The following PCAT7 variants were observed in gnomAD, a reference collection of about 807,000 sequenced individuals.
PCAT7 encodes prostate cancer associated transcript 7.
intron 1 of PCAT7, among the ~76,000 whole-genome samples, chr9:94,556,693 T>G (rs1372446049): frequency 6.6e-6 from 1 of 152,214 alleles, no homozygotes; most frequent in Non-Finnish European, 1.5e-5. Context: ...AGGCTTTAAG[T>G]TTAACGTAAT....
chr9:94,561,352 A>ATTTTTT (rs1174386595), intron 2 of PCAT7, among the ~76,000 whole-genome samples: 1,367 of 54,988 alleles, frequency 0.025, 311 homozygotes, highest in Middle Eastern at 0.036. Flanking sequence ...TGTGACCTGT[A>ATTTTTT]TTTTTTTTTT....
At chr9:94,571,703 G>C (rs1389513893) in intron 2 of PCAT7, 2 of 1,109,042 alleles carry the variant, frequency 1.8e-6, no homozygotes, top group African/African-American at 3.2e-5. Flanking sequence ...ACTGAAGGAA[G>C]CGCGGTTCTT....
chr9:94,562,226 T>C (rs1337990963), intron 2 of PCAT7, among the ~76,000 whole-genome samples: 2 of 144,296 alleles, frequency 1.4e-5, no homozygotes, highest in Admixed American at 7.5e-5. Context: ...AGGAGAATGG[T>C]GTGAACCTGG....
intron 2 of PCAT7, among the ~76,000 whole-genome samples, chr9:94,561,508 A>C (rs938357023): frequency 2.0e-5 from 3 of 151,942 alleles, no homozygotes; most frequent in Non-Finnish European, 4.4e-5. Flanking sequence ...AACCACAGGC[A>C]CATGCCACCA....
At position 94,566,278 on chromosome 9, in the gene PCAT7, T is replaced by A. The variant is rs1167813518; in HGVS notation, n.442-6701T>A. Among the ~76,000 whole-genome samples, 4 of 152,280 alleles carry A rather than the reference T, an allele frequency of 2.6e-5. No homozygotes were observed. The East Asian group carries it at 7.7e-4, about 29-fold the overall frequency. On this transcript the variant is annotated intron_variant and non_coding_transcript_variant, in intron 2 of 8. Coordinates refer to ENST00000647389, the Ensembl canonical transcript of PCAT7. ...CTGCAGCACTGTGACATGTTCATGATGGTCTTAATGCCCACGCTGGAAGGT... is the reference window on the plus strand; with the variant it reads ...CTGCAGCACTGTGACATGTTCATGAAGGTCTTAATGCCCACGCTGGAAGGT...
At chr9:94,558,443 C>CCGCA (rs1827040344) in intron 1 of PCAT7, among the ~76,000 whole-genome samples, 1 of 152,056 alleles carries the variant, frequency 6.6e-6, no homozygotes, top group East Asian at 1.9e-4. Flanking sequence ...TACAGGCGCC[C>CCGCA]GCCACCACGC....
At chr9:94,573,645 C>T (rs1387037854) in intron 3 of PCAT7, among the ~76,000 whole-genome samples, 1 of 152,186 alleles carries the variant, frequency 6.6e-6, no homozygotes, top group Non-Finnish European at 1.5e-5. Flanking sequence ...ATTATGAATA[C>T]TGGATCAGTC....
intron 2 of PCAT7, among the ~76,000 whole-genome samples, chr9:94,560,466 G>A (rs1025210977): frequency 2.3e-4 from 35 of 152,056 alleles, no homozygotes; most frequent in Admixed American, 6.6e-4. Context: ...CGTTCTGGCC[G>A]AGGCCCTGCT....
chr9:94,554,906 A>AT (rs1826983293), upstream of PCAT7: 2 of 152,272 alleles, frequency 1.3e-5, no homozygotes, highest in South Asian at 4.1e-4. Context: ...CCGCTGCCTC[A>AT]GCATGCTTTA....
chr9:94,563,323 G>T (rs1171805218), intron 2 of PCAT7: 2 of 1,612,372 alleles, frequency 1.2e-6, no homozygotes, highest in Non-Finnish European at 1.7e-6. Context: ...TGCACAGCCA[G>T]TGGACAAGGG....
intron 2 of PCAT7, chr9:94,563,464 A>G (rs777484972): frequency 9.9e-6 from 16 of 1,612,372 alleles, no homozygotes; most frequent in Admixed American, 3.3e-5. Context: ...CTGCCATCCT[A>G]GAAGACAGAA....
At chr9:94,567,224 T>G in intron 2 of PCAT7, 2 of 1,609,940 alleles carry the variant, frequency 1.2e-6, no homozygotes, top group East Asian at 2.2e-5. Context: ...CAGGACCCCA[T>G]GGGGACAGCA....
rs568870491 is a variant in PCAT7, at chr9:94,563,838, A to G, written n.441+4686A>G. Among the ~76,000 whole-genome samples, 7 of 152,360 alleles carry G rather than the reference A, an allele frequency of 4.6e-5. No homozygotes were observed. The East Asian group carries it at 1.2e-3, about 25-fold the overall frequency. On this transcript the variant is annotated intron_variant and non_coding_transcript_variant, in intron 2 of 8. Coordinates refer to ENST00000647389, the Ensembl canonical transcript of PCAT7. ...AAAGCAGAAAAAAGCAGGGGCTGCA[A>G]TCCTAATTTCAGACAAAATAGACTT...
At chr9:94,561,611 C>T (rs1177376022) in intron 2 of PCAT7, among the ~76,000 whole-genome samples, 2 of 152,172 alleles carry the variant, frequency 1.3e-5, no homozygotes, top group South Asian at 4.1e-4. Flanking sequence ...GTGATCCACC[C>T]GCCTTGGCCT....
At chr9:94,558,722 T>C in intron 1 of PCAT7, 1 of 530,006 alleles carries the variant, frequency 1.9e-6, no homozygotes, top group Non-Finnish European at 3.4e-6. Context: ...AGTCGCACTT[T>C]CCACATGTGG....
chr9:94,554,744 G>A (rs115262637), upstream of PCAT7, among the ~76,000 whole-genome samples: 366 of 152,244 alleles, frequency 2.4e-3, 3 homozygotes, highest in African/African-American at 8.4e-3. Flanking sequence ...CTACCGCTCC[G>A]TCACCACCAC....
chr9:94,560,465 C>T (rs983060430), intron 2 of PCAT7, among the ~76,000 whole-genome samples: 2 of 152,102 alleles, frequency 1.3e-5, no homozygotes, highest in African/African-American at 2.4e-5. Flanking sequence ...TCGTTCTGGC[C>T]GAGGCCCTGC....
chr9:94,555,114 T>G (rs536844492), exon 1 of PCAT7: 2 of 151,606 alleles, frequency 1.3e-5, no homozygotes, highest in Admixed American at 1.3e-4. Context: ...CAGAGTTACG[T>G]TTTTTTTGTT....
rs1036933848 is a variant in PCAT7 at position 94,567,611 on chromosome 9, G to C, written n.442-5368G>C. Reference sequence around the variant, plus strand: ...TATGGAGCCCACACAGGAAGCTCTAGCAGTAACACAGCAAGCAGGAAGACA... The same window carrying C: ...TATGGAGCCCACACAGGAAGCTCTACCAGTAACACAGCAAGCAGGAAGACA... On this transcript the variant is annotated intron_variant and non_coding_transcript_variant, in intron 2 of 8. Transcript: ENST00000647389. 9.2e-6 allele frequency: 5 copies of C among 544,252 alleles called. No homozygotes were observed. In the African/African-American group the frequency reaches 9.4e-5, roughly 10 times the overall value. 33.7% of individuals were successfully genotyped at this position (544,252 alleles called of 1,614,324 possible). A position where few individuals can be genotyped will look rare whatever the true frequency, so the allele number is the denominator to read the frequency against.
Sources: gnomAD v4.1 joint callset for allele counts (sites outside exome capture counted in the v4.1 genomes callset) on GRCh38, gnomAD v4.1.1 for gene constraint, MANE v1.5 for transcripts, NCBI Gene and HGNC (gene_info 2026-07-23, HGNC 2026-07-21) for gene names.